Variants in GALNT13 observed in about 807,000 individuals in gnomAD.
GALNT13 encodes the protein UDP-GalNAc:polypeptide N-acetylgalactosaminyltransferase 13.
A neutral mutation model predicts 64.2 loss-of-function variants in GALNT13; 28 were observed. That is an observed-to-expected ratio of 0.44 (90% CI 0.32 to 0.60). The LOEUF is 0.60. Ranked by LOEUF, GALNT13 falls within the 20% of genes least tolerant of loss-of-function variation. The pLI is 0.05. For missense variants in GALNT13, 577 were observed against 669.8 expected, an observed-to-expected ratio of 0.86 and a Z score of 1.53; for synonymous variants, 214 against 224.6, an observed-to-expected ratio of 0.95 and a Z score of 0.42.
At chr2:153,917,518 T>C (rs951957171) in intron 2 of GALNT13, among the ~76,000 whole-genome samples, 3 of 152,164 alleles carry the variant, frequency 2.0e-5, no homozygotes, top group Non-Finnish European at 4.4e-5. Flanking sequence ...AAAATTTTTC[T>C]AGAAGTATTA....
the GALNT13 span, among the ~76,000 whole-genome samples, chr2:153,647,239 T>C: frequency 1.3e-5 from 2 of 152,256 alleles, no homozygotes; most frequent in Non-Finnish European, 2.9e-5. Flanking sequence ...TTTTCATGTA[T>C]CTGTTGGCTG....
At chr2:154,167,748 G>T (rs1293159845) in intron 4 of GALNT13, among the ~76,000 whole-genome samples, 2 of 152,058 alleles carry the variant, frequency 1.3e-5, no homozygotes, top group African/African-American at 4.8e-5. Flanking sequence ...TGGCATCAGA[G>T]CCCAAGCAGG....
the GALNT13 span, among the ~76,000 whole-genome samples, chr2:153,150,361 T>C: frequency 3.3e-5 from 5 of 152,186 alleles, no homozygotes; most frequent in Admixed American, 3.3e-4. Context: ...TCATTGTAGA[T>C]TCTGGGTATT....
chr2:153,429,204 T>C, the GALNT13 span, among the ~76,000 whole-genome samples: 1 of 152,290 alleles, frequency 6.6e-6, no homozygotes, highest in African/African-American at 2.4e-5. Context: ...TAGTTTTCCT[T>C]GTGGAAACAT....
chr2:153,899,533 CTGTT>C (rs1210008830), intron 1 of GALNT13, among the ~76,000 whole-genome samples: 2 of 151,942 alleles, frequency 1.3e-5, no homozygotes, highest in Non-Finnish European at 2.9e-5. Context: ...TTAGTTTTCT[CTGTT>C]TGAGAGGTTC....
chr2:153,995,413 A>T (rs769614284), intron 3 of GALNT13, among the ~76,000 whole-genome samples: 1 of 152,194 alleles, frequency 6.6e-6, no homozygotes, highest in African/African-American at 2.4e-5. Flanking sequence ...GAAGGGTTGT[A>T]TGTAAATTAA....
Position 154,450,404 on chromosome 2 carries a change from T to C in GALNT13, c.1531-7T>C. On this transcript the variant is annotated splice_region_variant and splice_polypyrimidine_tract_variant and intron_variant, in intron 12 of 12. Transcript: ENST00000392825. ...AAGCTGCACTGATTATTGGTTATCT[T>C]TTACAGAGACTCACGTTGCGACATG... The C allele has an allele frequency of 3.1e-6, 5 of 1,606,678 alleles. No individual in the cohort carries two copies. The highest frequency in any genetic ancestry group is 4.2e-6 in the Non-Finnish European group (5 of 1,176,946).
the GALNT13 span, among the ~76,000 whole-genome samples, chr2:153,543,448 A>T: frequency 6.6e-6 from 1 of 152,378 alleles, no homozygotes; most frequent in African/African-American, 2.4e-5. Context: ...ACAAGGTCAT[A>T]AACCTTTATT....
intron 7 of GALNT13, among the ~76,000 whole-genome samples, chr2:154,248,136 G>A (rs751261861): frequency 6.6e-6 from 1 of 152,086 alleles, no homozygotes; most frequent in African/African-American, 2.4e-5. Context: ...TAAAATGTCA[G>A]TTATGATAGA....
At chr2:153,402,882 C>T in the GALNT13 span, among the ~76,000 whole-genome samples, 18 of 152,162 alleles carry the variant, frequency 1.2e-4, no homozygotes, top group African/African-American at 4.1e-4. Context: ...AATGTCCTCC[C>T]GTCGCTCACA....
At chr2:153,982,772 C>G (rs542234157) in intron 3 of GALNT13, among the ~76,000 whole-genome samples, 2 of 151,958 alleles carry the variant, frequency 1.3e-5, no homozygotes, top group South Asian at 4.1e-4. Flanking sequence ...AAAAGATTTA[C>G]AAATTATCAA....
At chr2:154,022,851 C>T (rs1025199849) in intron 3 of GALNT13, among the ~76,000 whole-genome samples, 6 of 152,130 alleles carry the variant, frequency 3.9e-5, no homozygotes, top group Non-Finnish European at 7.3e-5. Flanking sequence ...AAATTTCCCT[C>T]TACACACTGC....
chr2:153,314,266 T>A, the GALNT13 span, among the ~76,000 whole-genome samples: 2 of 152,048 alleles, frequency 1.3e-5, no homozygotes, highest in Non-Finnish European at 2.9e-5. Flanking sequence ...TGAAGAAACA[T>A]GAACAGAGCT....
the GALNT13 span, among the ~76,000 whole-genome samples, chr2:153,630,972 C>A: frequency 6.6e-6 from 1 of 151,026 alleles, no homozygotes; most frequent in Admixed American, 6.6e-5. Context: ...CCCGCCACCC[C>A]ACAACAGGCC....
intron 8 of GALNT13, among the ~76,000 whole-genome samples, chr2:154,265,585 G>T (rs909955325): frequency 6.6e-6 from 1 of 152,260 alleles, no homozygotes; most frequent in African/African-American, 2.4e-5. Context: ...TGTAATCCCA[G>T]CTACTTGGGA....
intron 9 of GALNT13, among the ~76,000 whole-genome samples, chr2:154,328,969 C>T (rs576558911): frequency 6.6e-6 from 1 of 152,238 alleles, no homozygotes; most frequent in Middle Eastern, 3.4e-3. Flanking sequence ...AAAGACTGCT[C>T]ACAATTTCGT....
chr2:153,730,356 CT>C, the GALNT13 span, among the ~76,000 whole-genome samples: 6 of 151,830 alleles, frequency 4.0e-5, no homozygotes, highest in African/African-American at 1.4e-4. Flanking sequence ...AAAGGACACT[CT>C]ATTCAATAAT....
the GALNT13 span, among the ~76,000 whole-genome samples, chr2:153,342,931 T>G: frequency 6.6e-6 from 1 of 152,112 alleles, no homozygotes; most frequent in Admixed American, 6.6e-5. Flanking sequence ...ACTATGAAAA[T>G]TAGCCTTACA....
chr2:153,900,305 A>G (rs1688153019), intron 1 of GALNT13, among the ~76,000 whole-genome samples: 1 of 152,224 alleles, frequency 6.6e-6, no homozygotes, highest in African/African-American at 2.4e-5. Context: ...CAAATTAATT[A>G]ATAATGCTTG....
Sources: gnomAD v4.1 joint callset for allele counts (sites outside exome capture counted in the v4.1 genomes callset) on GRCh38, gnomAD v4.1.1 for gene constraint, MANE v1.5 for transcripts, NCBI Gene and HGNC (gene_info 2026-07-23, HGNC 2026-07-21) for gene names.